The following WDFY2 variants were observed in gnomAD, a reference collection of about 807,000 sequenced individuals.
The protein encoded by WDFY2 is WD repeat and FYVE domain-containing protein 2.
A neutral mutation model predicts 56.4 loss-of-function variants in WDFY2; 36 were observed. The observed-to-expected ratio is 0.64, with a 90% CI of 0.49 to 0.84. The LOEUF (loss-of-function observed/expected upper bound fraction) is 0.84, where lower values mean the gene tolerates loss of function less well. Ranked by LOEUF, WDFY2 falls within the 40% of genes least tolerant of loss-of-function variation. The probability of loss-of-function intolerance (pLI) is 0.00; values close to 1 mark genes in which losing one functional copy is unlikely to be tolerated. For synonymous variants in WDFY2, 176 were observed against 183.7 expected (o/e 0.96, Z 0.34); for missense variants, 444 against 512.2 (o/e 0.87, Z 1.29).
chr13:51,620,020 A>G (rs1401491944), intron 1 of WDFY2, among the ~76,000 whole-genome samples: 1 of 152,176 alleles, frequency 6.6e-6, no homozygotes, highest in Non-Finnish European at 1.5e-5. Flanking sequence ...CTTCTTTTCT[A>G]ATAATCTGGG....
At position 51,704,037 on chromosome 13, in the gene WDFY2, G is replaced by T. The variant is rs776017613; in HGVS notation, c.334+387G>T. On this transcript the variant is annotated intron_variant, in intron 4 of 11. Transcript: ENST00000298125. ...CTCAGAGTGTGTTGTCCAAGGGGAA[G>T]AATTGTGGTTTTATCATGTCTTCAA... Among the ~76,000 whole-genome samples the T allele has an allele frequency of 4.6e-5, 7 of 152,200 alleles. No homozygotes were observed. In the East Asian group the frequency reaches 1.2e-3, roughly 25 times the overall value.
intron 3 of WDFY2, among the ~76,000 whole-genome samples, chr13:51,696,530 G>A (rs1951880159): frequency 6.6e-6 from 1 of 152,150 alleles, no homozygotes; most frequent in African/African-American, 2.4e-5. Flanking sequence ...AACAGACTCA[G>A]TTCATTGAAA....
In WDFY2 at chr13:51,694,268, C is replaced by A. The variant is rs757302953; in HGVS notation, c.280-9328C>A. 3.9e-5 allele frequency among the ~76,000 whole-genome samples: 6 copies of A among 152,328 alleles called. No individual in the cohort carries two copies. In the South Asian group the frequency reaches 1.2e-3, roughly 32 times the overall value. ...TTTTGCCCGTTACTTGATGCAGTTT[C>A]TTCCTAGCCTTGATGGTCTTTACAA... On this transcript the variant is annotated intron_variant, in intron 3 of 11. Coordinates refer to ENST00000298125, the MANE Select transcript of WDFY2 (RefSeq NM_052950.4).
chr13:51,679,991 A>G (rs989659580), intron 3 of WDFY2, among the ~76,000 whole-genome samples: 2 of 152,080 alleles, frequency 1.3e-5, no homozygotes, highest in Non-Finnish European at 2.9e-5. Flanking sequence ...GTGGTGCTAT[A>G]ATAGCTCACT....
chr13:51,718,304 A>G (rs1486226383), intron 4 of WDFY2, among the ~76,000 whole-genome samples: 1 of 152,012 alleles, frequency 6.6e-6, no homozygotes, highest in Admixed American at 6.6e-5. Flanking sequence ...GATGCCCTCC[A>G]CTTTACTGCC....
chr13:51,645,366 C>T (rs1255524320), intron 1 of WDFY2, among the ~76,000 whole-genome samples: 2 of 152,094 alleles, frequency 1.3e-5, no homozygotes. Context: ...GCAAAAATAA[C>T]AATTGTCCCC....
At chr13:51,723,115 G>A (rs934276138) in intron 5 of WDFY2, among the ~76,000 whole-genome samples, 14 of 152,146 alleles carry the variant, frequency 9.2e-5, no homozygotes, top group African/African-American at 3.4e-4. Flanking sequence ...CATACTTAAT[G>A]CCAGTCATTC....
At position 51,762,084 on chromosome 13, in the gene WDFY2, A is replaced by T. The variant is rs936034185; in HGVS notation, c.*2315A>T. 1 of 152,236 alleles carries T rather than the reference A, an allele frequency of 6.6e-6. No homozygotes were observed. The highest frequency in any genetic ancestry group is 1.5e-5 in the Non-Finnish European group (1 of 68,044). 9.4% of individuals were successfully genotyped at this position (152,236 alleles called of 1,614,324 possible). ...AAGCTGCAGCCACTTACTAAGTTGT[A>T]TGTAATATAGGACTGTGTGTTGGAA... On this transcript the variant is annotated 3_prime_UTR_variant, in exon 12 of 12. Coordinates refer to ENST00000298125, the MANE Select transcript of WDFY2 (RefSeq NM_052950.4).
intron 5 of WDFY2, among the ~76,000 whole-genome samples, chr13:51,723,323 G>A (rs915079533): frequency 3.3e-5 from 5 of 152,048 alleles, no homozygotes; most frequent in Admixed American, 2.0e-4. Context: ...TGATATTGTT[G>A]AATTTCAGAT....
In WDFY2 at chr13:51,737,230, A is replaced by G. The variant is rs185105289; in HGVS notation, c.599-1819A>G. Among the ~76,000 whole-genome samples the G allele has an allele frequency of 2.0e-5, 3 of 152,250 alleles. No individual in the cohort carries two copies. The East Asian group carries it at 5.8e-4, about 29-fold the overall frequency. On this transcript the variant is annotated intron_variant, in intron 6 of 11. Coordinates refer to ENST00000298125, the MANE Select transcript of WDFY2 (RefSeq NM_052950.4). ...GTAGTCAGCCAGGCACATGCTTCCC[A>G]TGCGCTAGGTACTGTTTTGTGTGCT...
chr13:51,649,363 C>T (rs1405428391), intron 1 of WDFY2, among the ~76,000 whole-genome samples: 10 of 151,158 alleles, frequency 6.6e-5, no homozygotes, highest in Admixed American at 2.6e-4. Flanking sequence ...CCTGTTACTG[C>T]GAACCCAGGG....
chr13:51,605,636 C>CATTACATA (rs1246710063), intron 1 of WDFY2, among the ~76,000 whole-genome samples: 5 of 152,154 alleles, frequency 3.3e-5, no homozygotes, highest in Admixed American at 3.3e-4. Context: ...GAAAGTTTCA[C>CATTACATA]ATTACATAAT....
chr13:51,599,014 T>C (rs1208725424), intron 1 of WDFY2, among the ~76,000 whole-genome samples: 1 of 151,210 alleles, frequency 6.6e-6, no homozygotes, highest in East Asian at 2.0e-4. Context: ...GTTCAAGCGA[T>C]TCTCCTGCCT....
At chr13:51,601,686 C>T (rs927480132) in intron 1 of WDFY2, among the ~76,000 whole-genome samples, 4 of 152,124 alleles carry the variant, frequency 2.6e-5, no homozygotes, top group Non-Finnish European at 5.9e-5. Flanking sequence ...AACTAGTTTA[C>T]TGTCATTTTA....
chr13:51,757,636 T>TAA (rs879596530), intron 10 of WDFY2, among the ~76,000 whole-genome samples: 4 of 142,740 alleles, frequency 2.8e-5, no homozygotes, highest in African/African-American at 1.0e-4. Flanking sequence ...TCTTCTTACT[T>TAA]AAAAAAAAAA....
At position 51,760,529 on chromosome 13, in the gene WDFY2, C is replaced by T. The variant is rs1953548112; in HGVS notation, c.*760C>T. ...AGTAGATTATTTTAACTCAGAGCTT[C>T]AACGATCAGTGCCTGGATCATTTAG... On this transcript the variant is annotated 3_prime_UTR_variant, in exon 12 of 12. Transcript: ENST00000298125. 6.6e-6 allele frequency: 1 copy of T among 152,132 alleles called. No individual in the cohort carries two copies. The allele number at this position is 152,132 out of a possible 1,614,324, so 9.4% of individuals were successfully genotyped here. A position where few individuals can be genotyped will look rare whatever the true frequency, so the allele number is the denominator to read the frequency against.
At position 51,758,117 on chromosome 13, in the gene WDFY2, C is replaced by T. The variant is rs1412366744; in HGVS notation, c.1065-75C>T. ...TAGCCACGAGGCCAAAATTTAGAGC[C>T]TAATGTCATCCTAGATCTCTCTCAT... is the stretch of plus-strand genomic sequence containing the variant. On this transcript the variant is annotated intron_variant, in intron 10 of 11. Coordinates refer to ENST00000298125, the MANE Select transcript of WDFY2 (RefSeq NM_052950.4). 4 of 1,227,318 alleles carry T rather than the reference C, an allele frequency of 3.3e-6. No individual in the cohort carries two copies. In the Admixed American group the frequency reaches 5.6e-5, roughly 17 times the overall value. 76.0% of individuals were successfully genotyped at this position (1,227,318 alleles called of 1,614,324 possible).
intron 3 of WDFY2, among the ~76,000 whole-genome samples, chr13:51,693,942 CTTCT>C (rs1951805719): frequency 3.3e-5 from 5 of 151,416 alleles, no homozygotes; most frequent in Admixed American, 3.3e-4. Flanking sequence ...ATGTAATGGC[CTTCT>C]TTGTCTCTTT....
chr13:51,734,528 T>G (rs1952793819), intron 6 of WDFY2, among the ~76,000 whole-genome samples: 1 of 152,204 alleles, frequency 6.6e-6, no homozygotes, highest in Admixed American at 6.5e-5. Context: ...ATTTTAAAAA[T>G]ATTTTGGCGA....
Sources: gnomAD v4.1 joint callset for allele counts (sites outside exome capture counted in the v4.1 genomes callset) on GRCh38, gnomAD v4.1.1 for gene constraint, MANE v1.5 for transcripts, NCBI Gene and HGNC (gene_info 2026-07-23, HGNC 2026-07-21) for gene names.